Variants in DGAT2 observed in about 807,000 individuals in gnomAD.
DGAT2 encodes acyl-CoA retinol O-fatty-acyltransferase.
Under a neutral mutation model 48.4 loss-of-function variants are expected in DGAT2, and 33 were observed. The ratio of observed to expected loss-of-function variants is 0.68; its 90% confidence interval spans 0.52 to 0.91. DGAT2 has a LOEUF of 0.91. DGAT2 is among the 40% of genes least tolerant of loss of function. DGAT2 has a pLI of 0.00. For synonymous variants in DGAT2, 191 were observed against 194.1 expected, an observed-to-expected ratio of 0.98 and a Z score of 0.13; for missense variants, 446 against 493.7, an observed-to-expected ratio of 0.90 and a Z score of 0.92.
intron 1 of DGAT2, among the ~76,000 whole-genome samples, chr11:75,779,835 G>A (rs1484627767): frequency 6.6e-6 from 1 of 152,162 alleles, no homozygotes; most frequent in African/African-American, 2.4e-5. Flanking sequence ...CCCATCTCTG[G>A]GGTCAGTCCT....
At chr11:75,769,309 C>T (rs988089719) in intron 1 of DGAT2, among the ~76,000 whole-genome samples, 197 bp downstream of exon 1, 1 of 152,176 alleles carries the variant, frequency 6.6e-6, no homozygotes, top group East Asian at 1.9e-4. Context: ...GCGGTACCAC[C>T]CACCATTCTT....
intron 1 of DGAT2, among the ~76,000 whole-genome samples, chr11:75,771,470 G>T (rs1944757167): frequency 6.6e-6 from 1 of 152,118 alleles, no homozygotes; most frequent in Non-Finnish European, 1.5e-5. Flanking sequence ...GCTCCAAAGA[G>T]TGAGGCCAGG....
At chr11:75,771,541 G>A (rs1944757811) in intron 1 of DGAT2, among the ~76,000 whole-genome samples, 1 of 152,138 alleles carries the variant, frequency 6.6e-6, no homozygotes, top group Non-Finnish European at 1.5e-5. Context: ...TCTGACAGCT[G>A]TTGAGGACTG....
At chr11:75,786,716 C>T (rs1315732820) in intron 2 of DGAT2, among the ~76,000 whole-genome samples, 1 of 152,190 alleles carries the variant, frequency 6.6e-6, no homozygotes. Context: ...GCAGCCCCAG[C>T]CACTCCTTCC....
At chr11:75,782,762 G>A (rs558837937) in intron 1 of DGAT2, among the ~76,000 whole-genome samples, 1 of 152,358 alleles carries the variant, frequency 6.6e-6, no homozygotes, top group South Asian at 2.1e-4. Context: ...ACTGTGTCCT[G>A]TGTACAGAGC....
chr11:75,788,065 C>G (rs918627172), intron 2 of DGAT2, among the ~76,000 whole-genome samples: 6 of 152,192 alleles, frequency 3.9e-5, no homozygotes, highest in African/African-American at 1.4e-4. Flanking sequence ...TCAGCCCCCT[C>G]TGGTCCTTTT....
chr11:75,798,450 C>T (rs773194511), intron 7 of DGAT2, 21 bp downstream of exon 7: 4 of 1,610,030 alleles, frequency 2.5e-6, no homozygotes, highest in African/African-American at 1.3e-5. Context: ...AGCCTGCAGA[C>T]CAAGGGCTGT....
chr11:75,769,648 C>T (rs1565311739), intron 1 of DGAT2, among the ~76,000 whole-genome samples: 1 of 152,164 alleles, frequency 6.6e-6, no homozygotes, highest in African/African-American at 2.4e-5. Flanking sequence ...AACTGAGGTC[C>T]TCAGTGAATC....
At position 75,797,181 on chromosome 11, in the gene DGAT2, A is replaced by G; in HGVS notation, c.658A>G (p.Thr220Ala). The G allele has an allele frequency of 6.6e-7, 1 of 1,515,490 alleles. No individual in the cohort carries two copies. Among genetic ancestry groups the G allele is most frequent in the Non-Finnish European group, 8.9e-7 (1 of 1,126,650 alleles). The allele number at this position is 1,515,490 out of a possible 1,614,324, so 93.9% of individuals were successfully genotyped here. A position where few individuals can be genotyped will look rare whatever the true frequency, so the allele number is the denominator to read the frequency against. ...SGGICPVSRD[T>A]IDYLLSKNGS... ...AGGTATCTGCCCTGTCAGCCGGGAC[A>G]CCATAGACTATTTGCTTTCAAAGAA... The change falls in exon 6 of 8, where the codon ACC becomes GCC. Residue 220 changes from threonine to alanine, a missense_variant. Thr to Ala is a moderately conservative substitution (Grantham distance 58). Coordinates refer to ENST00000228027, the MANE Select transcript of DGAT2 (RefSeq NM_032564.5).
rs200567220 is a variant in DGAT2, at chr11:75,797,288, C to T, written c.765C>T (p.Thr255=). The part of the protein sequence containing the change: ...LSSMPGKNAV[T]LRNRKGFVKL... The stretch of plus-strand genomic sequence containing the variant: ...CCATGCCTGGCAAGAATGCAGTCAC[C>T]CTGCGGAACCGCAAGGGCTTTGTGA... Residue 255 remains threonine (T), a synonymous_variant, in exon 6 of 8, where the codon ACC becomes ACT. Coordinates refer to ENST00000228027, the MANE Select transcript of DGAT2 (RefSeq NM_032564.5). 6.4e-7 allele frequency: 1 copy of T among 1,562,300 alleles called. No individual in the cohort carries two copies. The highest frequency in any genetic ancestry group is 1.4e-5 in the African/African-American group (1 of 72,552).
intron 3 of DGAT2, 54 bp downstream of exon 3, chr11:75,790,349 C>G: frequency 7.0e-7 from 1 of 1,432,080 alleles, no homozygotes; most frequent in Non-Finnish European, 9.9e-7. Context: ...GCTCTTCCCC[C>G]TGCACAAGCT....
At chr11:75,777,278 G>T (rs1180958716) in intron 1 of DGAT2, among the ~76,000 whole-genome samples, 1 of 152,094 alleles carries the variant, frequency 6.6e-6, no homozygotes, top group Non-Finnish European at 1.5e-5. Flanking sequence ...GACAATCCTG[G>T]ATTAAAGCTA....
At chr11:75,799,388 G>A (rs1162651320) in intron 7 of DGAT2, among the ~76,000 whole-genome samples, 1 of 152,188 alleles carries the variant, frequency 6.6e-6, no homozygotes, top group African/African-American at 2.4e-5. Context: ...TGGAAGCCAC[G>A]AGACCAGCCC....
At chr11:75,790,366 C>T in intron 3 of DGAT2, 71 bp downstream of exon 3, 19 of 1,299,062 alleles carry the variant, frequency 1.5e-5, no homozygotes, top group Non-Finnish European at 2.1e-5. Context: ...AGCTGAAGGG[C>T]CTCATCCTGA....
At chr11:75,797,591 ACT>A (rs1945070854) in intron 6 of DGAT2, among the ~76,000 whole-genome samples, 1 of 152,216 alleles carries the variant, frequency 6.6e-6, no homozygotes, top group Admixed American at 6.5e-5. Context: ...TATATGCAGG[ACT>A]GGACCACCTG....
At position 75,778,166 on chromosome 11, in the gene DGAT2, C is replaced by T. The variant is rs367798790; in HGVS notation, c.122-6452C>T. On this transcript the variant is annotated intron_variant, in intron 1 of 7. Coordinates refer to ENST00000228027, the MANE Select transcript of DGAT2 (RefSeq NM_032564.5). Reference sequence around the variant, plus strand: ...GACTACTCATTCCAACTTCTTTATTCTCAGCTTCTATTTCAGGCAGTCACT... The same window carrying T: ...GACTACTCATTCCAACTTCTTTATTTTCAGCTTCTATTTCAGGCAGTCACT... Among the ~76,000 whole-genome samples, 4 of 151,850 alleles carry T rather than the reference C, an allele frequency of 2.6e-5. No individual in the cohort carries two copies. The East Asian group carries it at 7.8e-4, about 30-fold the overall frequency.
chr11:75,796,819 A>T, intron 5 of DGAT2: 2 of 501,370 alleles, frequency 4.0e-6, no homozygotes, highest in Non-Finnish European at 7.1e-6. Flanking sequence ...ATTGTTGTCC[A>T]TGGCACTGTA....
intron 1 of DGAT2, among the ~76,000 whole-genome samples, chr11:75,770,770 T>C (rs1590861083): frequency 6.6e-6 from 1 of 152,208 alleles, no homozygotes; most frequent in Non-Finnish European, 1.5e-5. Flanking sequence ...TCAGGAACAT[T>C]TCCCCATGTT....
Position 75,800,830 on chromosome 11 carries a change from C to T in DGAT2, c.*322C>T, listed in dbSNP as rs1313375587. On this transcript the variant is annotated 3_prime_UTR_variant, in exon 8 of 8. Transcript: ENST00000228027. ...GAAGGATTGCCATTAGTGACTTGGA[C>T]CAGTTAGATGATTCACTTTTTGCCC... The T allele has an allele frequency of 3.5e-6, 1 of 288,792 alleles. No homozygotes were observed. Among genetic ancestry groups the T allele is most frequent in the African/African-American group, 2.3e-5 (1 of 44,434 alleles). The allele number at this position is 288,792 out of a possible 1,614,324, so 17.9% of individuals were successfully genotyped here.
Sources: allele counts gnomAD v4.1 joint callset (sites outside exome capture counted in the v4.1 genomes callset), GRCh38; gene constraint gnomAD v4.1.1; transcripts MANE v1.5; gene names NCBI Gene and HGNC (gene_info 2026-07-23, HGNC 2026-07-21).